EVC2: variants seen among roughly 807,000 people sequenced by gnomAD.
EVC2 encodes limbin.
In EVC2, 148 loss-of-function variants were observed where a neutral mutation model predicts 149.3. The ratio of observed to expected loss-of-function variants is 0.99; its 90% CI spans 0.87 to 1.14. EVC2 has a LOEUF of 1.14. EVC2 is among the 50% of genes most tolerant of loss of function. The probability of loss-of-function intolerance (pLI) is 0.00; values close to 1 mark genes in which losing one functional copy is unlikely to be tolerated. For missense variants in EVC2, 1,854 were observed against 1,627.3 expected, an observed-to-expected ratio of 1.14 and a Z score of -2.40; for synonymous variants, 776 against 649.9, an observed-to-expected ratio of 1.19 and a Z score of -2.95.
At chr4:5,606,981 T>C (rs1235949744) in intron 16 of EVC2, among the ~76,000 whole-genome samples, 1 of 152,210 alleles carries the variant, frequency 6.6e-6, no homozygotes, top group Non-Finnish European at 1.5e-5. Flanking sequence ...CAGGATAGCA[T>C]ACAGAAGTCC....
chr4:5,655,787 G>T (rs1374311520), intron 9 of EVC2, among the ~76,000 whole-genome samples: 3 of 130,712 alleles, frequency 2.3e-5, no homozygotes, highest in Admixed American at 7.4e-5. Context: ...AGAAGAGAGG[G>T]AGGGAGGGAG....
At chr4:5,608,224 T>G (rs1334976139) in intron 16 of EVC2, among the ~76,000 whole-genome samples, 1 of 152,088 alleles carries the variant, frequency 6.6e-6, no homozygotes, top group Non-Finnish European at 1.5e-5. Flanking sequence ...AAGGAAGGGG[T>G]CACCCAGCAG....
At chr4:5,690,409 T>G (rs1244819624) in intron 4 of EVC2, among the ~76,000 whole-genome samples, 5 of 151,672 alleles carry the variant, frequency 3.3e-5, no homozygotes, top group African/African-American at 1.2e-4. Flanking sequence ...GTTGTTGTTT[T>G]TTTTTTTTTT....
Position 5,686,515 on chromosome 4 carries a change from A to C in EVC2, c.707-1036T>G, listed in dbSNP as rs1328576436. ...TGCTGCACCTGCATTAACCCAGCTG[A>C]TCTCCACACACTGCCCCGAGATGGA... On this transcript the variant is annotated intron_variant, in intron 5 of 21. Coordinates refer to ENST00000344408, the MANE Select transcript of EVC2 (RefSeq NM_147127.5). This position sits in a 1 kb window ranked among gnomAD's most constrained non-coding sequence, Gnocchi z 5.4. Among the ~76,000 whole-genome samples, 2 of 152,180 alleles carry C rather than the reference A, an allele frequency of 1.3e-5. No homozygotes were observed. Among genetic ancestry groups the C allele is most frequent in the Admixed American group, 6.5e-5 (1 of 15,272 alleles).
At chr4:5,658,938 C>T (rs577369281) in intron 9 of EVC2, among the ~76,000 whole-genome samples, 2 of 152,324 alleles carry the variant, frequency 1.3e-5, no homozygotes, top group South Asian at 2.1e-4. Context: ...TTCCTCCCTC[C>T]TCCTGGTCCC....
intron 21 of EVC2, among the ~76,000 whole-genome samples, chr4:5,544,759 G>C (rs911993859): frequency 2.0e-5 from 3 of 152,150 alleles, no homozygotes; most frequent in African/African-American, 4.8e-5. Context: ...GGAAAACATG[G>C]AGTGAGTGAC....
At chr4:5,660,412 G>C (rs541048238) in intron 9 of EVC2, among the ~76,000 whole-genome samples, 1 of 152,270 alleles carries the variant, frequency 6.6e-6, no homozygotes, top group African/African-American at 2.4e-5. Context: ...TCTTCTCTCA[G>C]GCCAGTTAAG....
chr4:5,565,389 C>T (rs1259333947), intron 20 of EVC2, 30 bp from the exon 21 acceptor site: 1 of 1,602,476 alleles, frequency 6.2e-7, no homozygotes, highest in East Asian at 2.2e-5. Flanking sequence ...CTTATAGTTT[C>T]AAAAATACGC....
rs191248700 is a variant in EVC2, at chr4:5,620,217, G to A, written c.2502-1535C>T. Among the ~76,000 whole-genome samples the A allele has an allele frequency of 4.0e-4, 61 of 152,306 alleles. 1 individual carries two copies. The highest frequency in any genetic ancestry group is 8.4e-4 in the African/African-American group (35 of 41,574). ...CCCCCTTGCACCTTCCCTTGTGCAA[G>A]GCCTTTGCCCCGCTGTTTGCTGATT... On this transcript the variant is annotated intron_variant, in intron 14 of 21. Transcript: ENST00000344408.
chr4:5,630,549 A>AG (rs959557874), intron 11 of EVC2, among the ~76,000 whole-genome samples: 3 of 152,212 alleles, frequency 2.0e-5, no homozygotes, highest in African/African-American at 7.2e-5. Context: ...TTAACCAGCA[A>AG]GCCACTTTCT....
At chr4:5,663,976 G>C (rs1719088599) in intron 8 of EVC2, among the ~76,000 whole-genome samples, 3 of 152,140 alleles carry the variant, frequency 2.0e-5, no homozygotes, top group South Asian at 4.1e-4. Flanking sequence ...AGTGACATTA[G>C]AGATAAATAA....
rs1386752280 is a variant in EVC2 at position 5,692,729 on chromosome 4, C to T, written c.451-1396G>A. On this transcript the variant is annotated intron_variant, in intron 3 of 21. Transcript: ENST00000344408. ...AAAAATACAAAAAATTAGCCGGGCG[C>T]GGTGGCGGGCGCCTGTAGTCCCAGC... 4.0e-5 allele frequency among the ~76,000 whole-genome samples: 6 copies of T among 150,620 alleles called. 1 individual carries two copies. The South Asian group carries it at 6.4e-4, about 16-fold the overall frequency.
chr4:5,708,606 A>C, upstream of EVC2: 2 of 938,588 alleles, frequency 2.1e-6, no homozygotes, highest in Non-Finnish European at 2.9e-6. Context: ...GAGCATGCTC[A>C]GTGCGAGCCG....
chr4:5,596,473 G>C (rs1655262703), intron 16 of EVC2, among the ~76,000 whole-genome samples: 2 of 151,948 alleles, frequency 1.3e-5, no homozygotes, highest in African/African-American at 2.4e-5. Flanking sequence ...ATGACTACTG[G>C]GTACATAACA....
At chr4:5,558,681 C>T (rs1446440870), downstream of EVC2, among the ~76,000 whole-genome samples, 1 of 152,114 alleles carries the variant, frequency 6.6e-6, no homozygotes, top group Non-Finnish European at 1.5e-5. Flanking sequence ...ACTGAAAAGG[C>T]TGGAAGAAAA....
chr4:5,594,106 G>A (rs943714090), intron 16 of EVC2, among the ~76,000 whole-genome samples: 1 of 152,190 alleles, frequency 6.6e-6, no homozygotes, highest in Non-Finnish European at 1.5e-5. Flanking sequence ...GCTCAAGCAG[G>A]CCTGCCTGCC....
At chr4:5,607,406 T>G (rs1464635165) in intron 16 of EVC2, among the ~76,000 whole-genome samples, 2 of 152,224 alleles carry the variant, frequency 1.3e-5, no homozygotes, top group Non-Finnish European at 2.9e-5. Flanking sequence ...TTGATTAACT[T>G]ATTCTAAAAT....
At chr4:5,706,369 C>CATAGATAGATAGATAGATAGATAG (rs1324726079) in intron 1 of EVC2, among the ~76,000 whole-genome samples, 2 of 7,558 alleles carry the variant, frequency 2.6e-4, no homozygotes, top group South Asian at 4.2e-3. Context: ...TAGATAGATA[C>CATAGATAGATAGATAGATAGATAG]ATAGATAGAT....
intron 4 of EVC2, 58 bp from the exon 5 acceptor site, chr4:5,689,401 A>G: frequency 6.3e-7 from 1 of 1,577,496 alleles, no homozygotes; most frequent in Non-Finnish European, 8.7e-7. Context: ...GCTTCCTAAA[A>G]TGGGGCATGA....
Sources: gnomAD v4.1 joint callset for allele counts (sites outside exome capture counted in the v4.1 genomes callset) on GRCh38, gnomAD v4.1.1 for gene constraint, Gnocchi (gnomAD v3.1) non-coding constraint, MANE v1.5 for transcripts, NCBI Gene and HGNC (gene_info 2026-07-23, HGNC 2026-07-21) for gene names.